Variants in JMY observed in about 807,000 individuals in gnomAD.
JMY encodes the protein junction-mediating and -regulatory protein.
JMY carries 46 observed loss-of-function variants against 103.3 expected under a neutral mutation model. The observed-to-expected ratio is 0.45, with a 90% confidence interval of 0.35 to 0.57. The LOEUF is 0.57. Among genes scored for constraint, JMY ranks in the 20% least tolerant of loss-of-function variants. The probability of loss-of-function intolerance (pLI) is 0.00; values close to 1 mark genes in which losing one functional copy is unlikely to be tolerated. For synonymous variants in JMY, 526 were observed against 489.3 expected (o/e 1.07, Z -0.99); for missense variants, 1,238 against 1,255.2 (o/e 0.99, Z 0.21).
At chr5:79,239,158 C>G (rs751665626) in intron 1 of JMY, among the ~76,000 whole-genome samples, 11 of 152,242 alleles carry the variant, frequency 7.2e-5, no homozygotes, top group East Asian at 3.9e-4. Flanking sequence ...ATAGTACTCT[C>G]TTACAACTTC....
chr5:79,250,752 T>C (rs1745063051), intron 1 of JMY, among the ~76,000 whole-genome samples: 1 of 151,528 alleles, frequency 6.6e-6, no homozygotes, highest in African/African-American at 2.4e-5. Context: ...TAATTCTTTC[T>C]AATTATACCT....
intron 4 of JMY, 126 bp from the exon 5 acceptor site, chr5:79,300,027 C>CA: frequency 1.8e-6 from 1 of 564,054 alleles, no homozygotes. Context: ...TCCATGCCTA[C>CA]AAGTTTCTTT....
At chr5:79,272,105 C>G (rs886080695) in intron 1 of JMY, among the ~76,000 whole-genome samples, 151 of 145,820 alleles carry the variant, frequency 1.0e-3, no homozygotes, top group African/African-American at 3.6e-3. Flanking sequence ...GAGTGAGATT[C>G]TGTCTTTAAA....
chr5:79,269,306 G>C (rs1222647652), intron 1 of JMY, among the ~76,000 whole-genome samples: 5 of 152,118 alleles, frequency 3.3e-5, no homozygotes, highest in African/African-American at 2.4e-5. Flanking sequence ...TGGTCTACTT[G>C]TCTGTTCTTT....
rs982471058 is a variant in JMY, at chr5:79,321,767, G to T, written c.*165G>T. The T allele has an allele frequency of 7.2e-5, 11 of 152,324 alleles. No individual in the cohort carries two copies. The highest frequency in any genetic ancestry group is 8.8e-5 in the Non-Finnish European group (6 of 68,032). The allele number at this position is 152,324 out of a possible 1,614,324, so 9.4% of individuals were successfully genotyped here. On this transcript the variant is annotated 3_prime_UTR_variant, in exon 11 of 11. Transcript: ENST00000396137. ...ACAATTGGCAGGTTATCACTTTCCA[G>T]TCGTTCCAATAGATGATGGTTAACA...
chr5:79,318,788 AGAGAGAGAGAGAGAGG>A (rs769325794), intron 10 of JMY, among the ~76,000 whole-genome samples: 16,964 of 53,532 alleles, frequency 0.32, 1,145 homozygotes, highest in African/African-American at 0.44. Flanking sequence ...AGAGAGAGAG[AGAGAGAGAGAGAGAGG>A]GATGCATATC....
rs181005138 is a variant in JMY, at chr5:79,250,099, T to C, written c.1032+12417T>C. Among the ~76,000 whole-genome samples, 3 of 152,356 alleles carry C rather than the reference T, an allele frequency of 2.0e-5. No individual in the cohort carries two copies. In the East Asian group the frequency reaches 5.8e-4, roughly 29 times the overall value. ...ATTGTGATACTTTCTCATCTACTTT[T>C]TCCTGAAGCAACTCATACTGATGCT... is the stretch of plus-strand genomic sequence containing the variant. On this transcript the variant is annotated intron_variant, in intron 1 of 10. Transcript: ENST00000396137.
chr5:79,268,359 T>G (rs1745644514), intron 1 of JMY, among the ~76,000 whole-genome samples: 1 of 152,236 alleles, frequency 6.6e-6, no homozygotes, highest in African/African-American at 2.4e-5. Context: ...TTCCGCATCC[T>G]CTAGCATTTT....
chr5:79,242,330 C>T (rs927601172), intron 1 of JMY, among the ~76,000 whole-genome samples: 1 of 152,142 alleles, frequency 6.6e-6, no homozygotes, highest in Non-Finnish European at 1.5e-5. Flanking sequence ...TAAAGGATGT[C>T]TTAAGATTTG....
intron 1 of JMY, among the ~76,000 whole-genome samples, chr5:79,256,894 G>A (rs1348546997): frequency 4.0e-5 from 6 of 151,380 alleles, no homozygotes; most frequent in Admixed American, 6.6e-5. Flanking sequence ...GTAACTAGCC[G>A]ATATTACAGG....
At chr5:79,314,908 A>G (rs1010937698) in intron 9 of JMY, 57 bp downstream of exon 9, 1 of 1,459,356 alleles carries the variant, frequency 6.9e-7, no homozygotes, top group Non-Finnish European at 9.2e-7. Context: ...ATAGTAAAAA[A>G]CTATATTTTT....
At position 79,236,529 on chromosome 5, in the gene JMY, G is replaced by C. The variant is rs1006351731; in HGVS notation, c.-122G>C. On this transcript the variant is annotated 5_prime_UTR_variant, in exon 1 of 11. Transcript: ENST00000396137. ...GGCGAACGAGCCGGGAGAGCCGGCC[G>C]GCGCACTAAGATGGCTGAAGGCGCC... 12 of 698,040 alleles carry C rather than the reference G, an allele frequency of 1.7e-5. No homozygotes were observed. The highest frequency in any genetic ancestry group is 2.3e-5 in the Non-Finnish European group (11 of 484,920). 43.2% of individuals were successfully genotyped at this position (698,040 alleles called of 1,614,324 possible). A position where few individuals can be genotyped will look rare whatever the true frequency, so the allele number is the denominator to read the frequency against.
At chr5:79,266,807 C>T (rs187897753) in intron 1 of JMY, among the ~76,000 whole-genome samples, 46 of 152,164 alleles carry the variant, frequency 3.0e-4, no homozygotes, top group Admixed American at 2.1e-3. Flanking sequence ...ACCAAAAAAC[C>T]GCCTGTTAAC....
intron 7 of JMY, among the ~76,000 whole-genome samples, chr5:79,306,870 CAT>C (rs1746899487): frequency 6.6e-6 from 1 of 152,106 alleles, no homozygotes; most frequent in African/African-American, 2.4e-5. Context: ...ATTATAGTAT[CAT>C]ATGGAATAAT....
At chr5:79,263,634 G>GATCCACCCAAC (rs1745492361) in intron 1 of JMY, among the ~76,000 whole-genome samples, 1 of 151,370 alleles carries the variant, frequency 6.6e-6, no homozygotes, top group Admixed American at 6.6e-5. Context: ...ACCTCAAGGT[G>GATCCACCCAAC]TTCCAAAGTG....
At chr5:79,277,788 A>T (rs1258219579) in intron 1 of JMY, 122 bp from the exon 2 acceptor site, 2 of 727,274 alleles carry the variant, frequency 2.7e-6, no homozygotes, top group Non-Finnish European at 4.3e-6. Context: ...AATGCTTTTC[A>T]TTCCCTCTTG....
At chr5:79,257,107 C>G (rs1012571861) in intron 1 of JMY, among the ~76,000 whole-genome samples, 5 of 150,632 alleles carry the variant, frequency 3.3e-5, no homozygotes, top group African/African-American at 1.2e-4. Flanking sequence ...CTCACTCACT[C>G]TGTCACCCAG....
intron 2 of JMY, among the ~76,000 whole-genome samples, chr5:79,285,846 C>T (rs1163464037): frequency 6.6e-6 from 1 of 152,108 alleles, no homozygotes; most frequent in Non-Finnish European, 1.5e-5. Flanking sequence ...AGGTGGATTT[C>T]CCCCCTACTG....
At chr5:79,270,127 C>T (rs952998891) in intron 1 of JMY, among the ~76,000 whole-genome samples, 9 of 152,126 alleles carry the variant, frequency 5.9e-5, no homozygotes, top group Middle Eastern at 3.4e-3. Context: ...TCCCAGTCTA[C>T]ACATTTTAAA....
Sources: gnomAD v4.1 joint callset for allele counts (sites outside exome capture counted in the v4.1 genomes callset) on GRCh38, gnomAD v4.1.1 for gene constraint, MANE v1.5 for transcripts, NCBI Gene and HGNC (gene_info 2026-07-23, HGNC 2026-07-21) for gene names.